The following ANO3 variants were observed in gnomAD, a reference collection of about 807,000 sequenced individuals.
ANO3 encodes the protein anoctamin 3.
Under a neutral mutation model 144.8 loss-of-function variants are expected in ANO3, and 99 were observed. The ratio of observed to expected loss-of-function variants is 0.68; its 90% CI spans 0.58 to 0.81. The LOEUF is 0.81. Among genes scored for constraint, ANO3 ranks in the 30% least tolerant of loss-of-function variants. The probability of loss-of-function intolerance (pLI) is 0.00; values close to 1 mark genes in which losing one functional copy is unlikely to be tolerated. For synonymous variants in ANO3, 414 were observed against 392.6 expected (o/e 1.05, Z -0.64); for missense variants, 905 against 1,202.2 (o/e 0.75, Z 3.66).
chr11:26,290,551 C>T (rs1392145766), intron 1 of ANO3, among the ~76,000 whole-genome samples: 3 of 152,204 alleles, frequency 2.0e-5, no homozygotes, highest in Non-Finnish European at 4.4e-5. Context: ...ACATTTAGTG[C>T]TATAAATTTC....
At chr11:26,592,030 C>G (rs1275864459) in intron 14 of ANO3, among the ~76,000 whole-genome samples, 1 of 152,122 alleles carries the variant, frequency 6.6e-6, no homozygotes, top group Non-Finnish European at 1.5e-5. Context: ...ATTCCTTTCC[C>G]TCCTCTCAGG....
intron 14 of ANO3, among the ~76,000 whole-genome samples, chr11:26,576,455 G>A (rs1004987341): frequency 1.3e-5 from 2 of 152,034 alleles, no homozygotes; most frequent in African/African-American, 4.8e-5. Flanking sequence ...CTAACTAAGT[G>A]TACAAGCACA....
intron 7 of ANO3, among the ~76,000 whole-genome samples, chr11:26,529,639 A>G (rs578052458): frequency 1.1e-3 from 169 of 149,448 alleles, no homozygotes; most frequent in African/African-American, 3.8e-3. Flanking sequence ...CTATCCTGCT[A>G]TTTGGACTTA....
At chr11:26,640,045 T>G (rs1437459275) in intron 21 of ANO3, among the ~76,000 whole-genome samples, 1 of 152,104 alleles carries the variant, frequency 6.6e-6, no homozygotes, top group Non-Finnish European at 1.5e-5. Context: ...ACATATTTTA[T>G]CAGAACATTC....
chr11:26,618,249 G>A (rs939682001), intron 17 of ANO3, among the ~76,000 whole-genome samples: 14 of 151,738 alleles, frequency 9.2e-5, no homozygotes, highest in Admixed American at 2.6e-4. Context: ...AACTTTTAAC[G>A]TAATTCTGTT....
At chr11:26,436,550 G>A (rs1229033311) in intron 1 of ANO3, among the ~76,000 whole-genome samples, 2 of 152,244 alleles carry the variant, frequency 1.3e-5, no homozygotes, top group African/African-American at 2.4e-5. Context: ...TCCATCCTAG[G>A]GAGGTATGGA....
chr11:26,290,832 ATG>A, intron 1 of ANO3, among the ~76,000 whole-genome samples: 1 of 152,300 alleles, frequency 6.6e-6, no homozygotes, highest in Middle Eastern at 3.4e-3. Flanking sequence ...ACTTCCAACA[ATG>A]TGGACAATTT....
At chr11:26,615,158 A>G (rs1175526175) in intron 17 of ANO3, among the ~76,000 whole-genome samples, 1 of 148,516 alleles carries the variant, frequency 6.7e-6, no homozygotes, top group African/African-American at 2.4e-5. Context: ...ATTAGGAATG[A>G]AATGCATTTT....
intron 13 of ANO3, among the ~76,000 whole-genome samples, chr11:26,555,829 G>A (rs895705242): frequency 2.6e-5 from 4 of 152,106 alleles, no homozygotes; most frequent in African/African-American, 9.7e-5. Flanking sequence ...ATATAAGGGA[G>A]CAGATTTTTG....
At position 26,510,059 on chromosome 11, in the gene ANO3, G is replaced by A. The variant is rs190697906; in HGVS notation, c.591+1797G>A. Among the ~76,000 whole-genome samples, 421 of 147,434 alleles carry A rather than the reference G, an allele frequency of 2.9e-3. 2 individuals carry two copies. The South Asian group carries it at 0.036, about 13-fold the overall frequency. Reference sequence around the variant, plus strand: ...TGAGGCAGGAGAATCACTTGAACCCGGGAGATGGAGCTTGCAGTGAGCCGA... The same window carrying A: ...TGAGGCAGGAGAATCACTTGAACCCAGGAGATGGAGCTTGCAGTGAGCCGA... On this transcript the variant is annotated intron_variant, in intron 5 of 26. Transcript: ENST00000256737.
chr11:26,553,408 C>T (rs1268660922), intron 13 of ANO3, 63 bp downstream of exon 13: 3 of 1,143,942 alleles, frequency 2.6e-6, no homozygotes, highest in Middle Eastern at 2.0e-4. Context: ...GTAAGAAGTC[C>T]TCTAGTCAAT....
chr11:26,226,423 C>T (rs1432722234), intron 1 of ANO3, among the ~76,000 whole-genome samples: 1 of 152,014 alleles, frequency 6.6e-6, no homozygotes. Flanking sequence ...CATCCACTTT[C>T]CAAAACAATC....
At chr11:26,533,258 T>A (rs558591631) in intron 8 of ANO3, among the ~76,000 whole-genome samples, 1 of 152,196 alleles carries the variant, frequency 6.6e-6, no homozygotes, top group Admixed American at 6.6e-5. Context: ...TAGCTCTTTT[T>A]GTCGGGTAAA....
chr11:26,505,774 C>T (rs1004023796), intron 4 of ANO3, among the ~76,000 whole-genome samples: 50 of 151,872 alleles, frequency 3.3e-4, no homozygotes, highest in Admixed American at 1.3e-4. Flanking sequence ...AGATCGAGAC[C>T]GTCCTGGCTA....
At chr11:26,522,029 A>C (rs1862098925) in intron 6 of ANO3, among the ~76,000 whole-genome samples, 1 of 152,082 alleles carries the variant, frequency 6.6e-6, no homozygotes, top group African/African-American at 2.4e-5. Flanking sequence ...CTAAATATAC[A>C]AAAAATTAGC....
intron 24 of ANO3, among the ~76,000 whole-genome samples, chr11:26,650,799 G>GA (rs1022489455): frequency 5.3e-5 from 8 of 151,666 alleles, no homozygotes; most frequent in South Asian, 2.1e-4. Flanking sequence ...TCGTCTCAAA[G>GA]AAAAAAAATA....
At chr11:26,404,248 T>C (rs1857220589) in intron 1 of ANO3, among the ~76,000 whole-genome samples, 1 of 151,814 alleles carries the variant, frequency 6.6e-6, no homozygotes, top group Non-Finnish European at 1.5e-5. Context: ...ATTAAGTAAC[T>C]CAGTCTTCAT....
chr11:26,355,347 A>T (rs1855751600), intron 1 of ANO3, among the ~76,000 whole-genome samples: 1 of 151,982 alleles, frequency 6.6e-6, no homozygotes, highest in South Asian at 2.1e-4. Flanking sequence ...TTTTCCTTTC[A>T]TCACTTTTAT....
chr11:26,379,217 G>T (rs540034479), intron 1 of ANO3, among the ~76,000 whole-genome samples: 44 of 152,300 alleles, frequency 2.9e-4, no homozygotes, highest in South Asian at 2.7e-3. Flanking sequence ...CTGGTTAACA[G>T]TGGAAAGAGA....
Sources: allele counts gnomAD v4.1 joint callset (sites outside exome capture counted in the v4.1 genomes callset), GRCh38; gene constraint gnomAD v4.1.1; transcripts MANE v1.5; gene names NCBI Gene and HGNC (gene_info 2026-07-23, HGNC 2026-07-21).